LMLN: variants seen among roughly 807,000 people sequenced by gnomAD.
The protein encoded by LMLN is leishmanolysin like peptidase.
LMLN carries 70 observed loss-of-function variants against 92.3 expected under a neutral mutation model. The ratio of observed to expected loss-of-function variants is 0.76; its 90% confidence interval spans 0.63 to 0.92. The LOEUF is 0.92. Ranked by LOEUF, LMLN falls within the 40% of genes least tolerant of loss-of-function variation. LMLN has a pLI of 0.00. For missense variants in LMLN, 691 were observed against 814.6 expected (o/e 0.85, Z 1.85); for synonymous variants, 308 against 296.2 (o/e 1.04, Z -0.41).
chr3:197,986,725 AGATAACGT>A (rs1189291234), intron 8 of LMLN, among the ~76,000 whole-genome samples: 2 of 152,258 alleles, frequency 1.3e-5, no homozygotes, highest in African/African-American at 4.8e-5. Context: ...TTAGATGAAC[AGATAACGT>A]GATAACAAAT....
intron 5 of LMLN, 86 bp downstream of exon 5, chr3:197,976,801 T>A: frequency 1.7e-6 from 1 of 596,474 alleles, no homozygotes; most frequent in Non-Finnish European, 2.8e-6. Context: ...AGATTCAAGT[T>A]CAAAGGCTTA....
intron 6 of LMLN, among the ~76,000 whole-genome samples, chr3:197,982,225 T>TC (rs1329932826): frequency 7.0e-6 from 1 of 143,586 alleles, no homozygotes; most frequent in Non-Finnish European, 1.5e-5. Flanking sequence ...GTTACCTTCT[T>TC]TTTTTTTTTT....
intron 13 of LMLN, among the ~76,000 whole-genome samples, chr3:198,023,187 T>G (rs1372469038): frequency 6.6e-6 from 1 of 151,462 alleles, no homozygotes; most frequent in Non-Finnish European, 1.5e-5. Context: ...TGTTTTATTA[T>G]TATTATTATT....
chr3:197,988,798 C>T (rs1721785521), intron 8 of LMLN, among the ~76,000 whole-genome samples: 1 of 152,202 alleles, frequency 6.6e-6, no homozygotes, highest in Non-Finnish European at 1.5e-5. Context: ...TCTCCTGCCT[C>T]AGCCTCCCGA....
At chr3:198,038,320 A>AT (rs1477213422) in intron 15 of LMLN, 24 of 414,276 alleles carry the variant, frequency 5.8e-5, no homozygotes, top group South Asian at 9.4e-5. Flanking sequence ...CCCCAAGGCA[A>AT]TTTTTTTTGG....
intron 14 of LMLN, among the ~76,000 whole-genome samples, chr3:198,032,226 G>A (rs757640742): frequency 3.6e-4 from 55 of 152,206 alleles, no homozygotes; most frequent in African/African-American, 1.1e-3. Context: ...TTTGATGTCC[G>A]TCCTTTTGAC....
intron 11 of LMLN, among the ~76,000 whole-genome samples, chr3:198,018,503 C>A (rs572195020): frequency 6.6e-6 from 1 of 152,322 alleles, no homozygotes; most frequent in African/African-American, 2.4e-5. Flanking sequence ...GGCTGTGCTG[C>A]TTCCCATTTG....
intron 9 of LMLN, among the ~76,000 whole-genome samples, chr3:197,995,674 G>A (rs996178341): frequency 2.0e-5 from 3 of 151,910 alleles, no homozygotes; most frequent in African/African-American, 7.3e-5. Flanking sequence ...GCACAGTGTG[G>A]TGAATATGGT....
exon 6 of LMLN, chr3:197,980,365 G>A: frequency 1.2e-6 from 2 of 1,614,134 alleles, no homozygotes; most frequent in Non-Finnish European, 1.7e-6. Flanking sequence ...GCCTCATGGA[G>A]CAGTGGGTGT....
intron 11 of LMLN, among the ~76,000 whole-genome samples, chr3:198,005,997 AC>A (rs1200416672): frequency 1.3e-5 from 2 of 151,904 alleles, no homozygotes; most frequent in East Asian, 3.9e-4. Context: ...GGCGCCTGTA[AC>A]CCTAGCTACT....
At chr3:198,030,081 T>C (rs1295412328) in intron 14 of LMLN, among the ~76,000 whole-genome samples, 1 of 152,118 alleles carries the variant, frequency 6.6e-6, no homozygotes, top group Admixed American at 6.6e-5. Context: ...TGACCTCAAG[T>C]GATCTGCCTG....
At chr3:197,976,071 T>C (rs1721369632) in exon 4 of LMLN, 1 of 1,608,874 alleles carries the variant, frequency 6.2e-7, no homozygotes, top group Non-Finnish European at 8.5e-7. Flanking sequence ...AGAGAAGACT[T>C]TTCAGGTCCG....
rs1721700142 is a variant in LMLN, at chr3:197,986,137, C to A, written c.929+247C>A. On this transcript the variant is annotated intron_variant, in intron 8 of 15. Coordinates refer to ENST00000330198, the Ensembl canonical transcript of LMLN. ...ATTCTTAAGCTGATAATTTGCAGTG[C>A]TTCCTTGCATTGAGGATATTCCTCA... Among the ~76,000 whole-genome samples the A allele has an allele frequency of 1.2e-4, 19 of 152,174 alleles. 1 individual carries two copies. The highest frequency in any genetic ancestry group is 1.2e-3 in the Admixed American group (19 of 15,276).
In LMLN at chr3:197,964,829, G is replaced by A. The variant is rs144479642; in HGVS notation, c.219+4389G>A. Among the ~76,000 whole-genome samples, 134 of 151,924 alleles carry A rather than the reference G, an allele frequency of 8.8e-4. 1 individual carries two copies. Among genetic ancestry groups the A allele is most frequent in the South Asian group, 5.4e-3 (26 of 4,814 alleles). ...TTGAGACCACCCTGGCCAACATGGC[G>A]AGACCTGTCTCTACTAAAAATACAA... On this transcript the variant is annotated intron_variant, in intron 1 of 15. Transcript: ENST00000330198.
intron 6 of LMLN, among the ~76,000 whole-genome samples, chr3:197,981,168 G>A (rs1302473947): frequency 7.9e-5 from 12 of 151,858 alleles, no homozygotes; most frequent in African/African-American, 1.2e-4. Flanking sequence ...AGCTCTTTGT[G>A]AGGCTGAGGC....
At chr3:198,024,493 G>A (rs923989921) in intron 13 of LMLN, among the ~76,000 whole-genome samples, 165 bp from the exon 15 acceptor site, 1 of 152,124 alleles carries the variant, frequency 6.6e-6, no homozygotes, top group Admixed American at 6.5e-5. Context: ...GGGATTACAG[G>A]CGTGAGCCAC....
At chr3:198,030,356 A>G (rs1192623884) in intron 14 of LMLN, among the ~76,000 whole-genome samples, 1 of 152,198 alleles carries the variant, frequency 6.6e-6, no homozygotes, top group African/African-American at 2.4e-5. Context: ...TACCAGGACT[A>G]TGCAGACGTG....
chr3:198,031,978 T>A lies in LMLN; in HGVS notation c.1657-3855T>A, dbSNP rs1352564648. On this transcript the variant is annotated intron_variant, in intron 14 of 15. Coordinates refer to ENST00000330198, the Ensembl canonical transcript of LMLN. The surrounding 1 kb of genome is among the most constrained non-coding windows in gnomAD (Gnocchi z 4.8). ...TTAGCCCGGTGTGGTGGTGGGCGCCTGTAATTCCAGCTACACAGGAGGCTG... is the reference window on the plus strand; with the variant it reads ...TTAGCCCGGTGTGGTGGTGGGCGCCAGTAATTCCAGCTACACAGGAGGCTG... Among the ~76,000 whole-genome samples, 1 of 151,648 alleles carries A rather than the reference T, an allele frequency of 6.6e-6. No individual in the cohort carries two copies. Among genetic ancestry groups the A allele is most frequent in the African/African-American group, 2.4e-5 (1 of 41,234 alleles).
intron 14 of LMLN, among the ~76,000 whole-genome samples, chr3:198,032,113 A>G (rs1019164898): frequency 6.6e-6 from 1 of 151,776 alleles, no homozygotes; most frequent in Non-Finnish European, 1.5e-5. Context: ...AAAAAAAAAA[A>G]AAAAGAAAAG....
Sources: gnomAD v4.1 joint callset for allele counts (sites outside exome capture counted in the v4.1 genomes callset) on GRCh38, gnomAD v4.1.1 for gene constraint, Gnocchi (gnomAD v3.1) non-coding constraint, MANE v1.5 for transcripts, NCBI Gene and HGNC (gene_info 2026-07-23, HGNC 2026-07-21) for gene names.